CELF4: variants seen among roughly 807,000 people sequenced by gnomAD.
CELF4 encodes the protein CUGBP Elav-like family member 4.
In CELF4, 18 loss-of-function variants were observed where a neutral mutation model predicts 59.9. The observed-to-expected ratio is 0.30, with a 90% CI of 0.21 to 0.45. The LOEUF (loss-of-function observed/expected upper bound fraction) is 0.45, where lower values mean the gene tolerates loss of function less well. CELF4 is among the 20% of genes least tolerant of loss of function. The probability of loss-of-function intolerance (pLI) is 1.00; values close to 1 mark genes in which losing one functional copy is unlikely to be tolerated. For missense variants in CELF4, 456 were observed against 689.0 expected, an observed-to-expected ratio of 0.66 and a Z score of 3.79; for synonymous variants, 261 against 267.1, an observed-to-expected ratio of 0.98 and a Z score of 0.22.
rs1467702657 is a variant in CELF4 at position 37,245,864 on chromosome 18, T to G, written c.*45-667A>C. 1.3e-5 allele frequency among the ~76,000 whole-genome samples: 2 copies of G among 152,222 alleles called. No homozygotes were observed. Among genetic ancestry groups the G allele is most frequent in the African/African-American group, 4.8e-5 (2 of 41,456 alleles). ...ATACACACATACACACACATAATAC[T>G]TTTCTCATACATGCCAGGGAATTTA... is the stretch of plus-strand genomic sequence containing the variant. On this transcript the variant is annotated intron_variant, in intron 12 of 12. Transcript: ENST00000420428. This position sits in a 1 kb window ranked among gnomAD's most constrained non-coding sequence, Gnocchi z 4.1.
chr18:37,353,044 A>T (rs1031450703), intron 2 of CELF4, among the ~76,000 whole-genome samples: 1 of 151,832 alleles, frequency 6.6e-6, no homozygotes, highest in African/African-American at 2.4e-5. Context: ...ACACGGTGAA[A>T]CCCTGTCTCT....
At chr18:37,552,149 C>T (rs1426356927) in intron 1 of CELF4, among the ~76,000 whole-genome samples, 1 of 152,196 alleles carries the variant, frequency 6.6e-6, no homozygotes, top group African/African-American at 2.4e-5. Context: ...CCCTCAACAG[C>T]GTATTTACAC....
intron 2 of CELF4, among the ~76,000 whole-genome samples, chr18:37,336,393 A>G (rs1483103770): frequency 1.3e-5 from 2 of 152,182 alleles, no homozygotes; most frequent in African/African-American, 4.8e-5. Flanking sequence ...TCTGTTGCCC[A>G]GGCTGGTCTT....
chr18:37,369,596 C>T (rs1044824782), intron 2 of CELF4, among the ~76,000 whole-genome samples: 19 of 152,182 alleles, frequency 1.2e-4, no homozygotes, highest in African/African-American at 4.1e-4. Context: ...CTAGTTTCAC[C>T]ATCTCTGCCC....
chr18:37,501,593 G>C (rs1375000602), intron 1 of CELF4, among the ~76,000 whole-genome samples: 7 of 152,266 alleles, frequency 4.6e-5, no homozygotes, highest in Admixed American at 4.6e-4. Flanking sequence ...AGCCAGGTAA[G>C]CTGGTGTGTG....
At chr18:37,274,723 T>G in intron 5 of CELF4, 82 bp downstream of exon 5, 1 of 1,521,076 alleles carries the variant, frequency 6.6e-7, no homozygotes. Flanking sequence ...TTGGGGAGAC[T>G]GGACAGCCGG....
chr18:37,247,512 C>A (rs1464452231), intron 12 of CELF4: 1 of 151,932 alleles, frequency 6.6e-6, no homozygotes, highest in African/African-American at 2.4e-5. Context: ...CAGCACCAGA[C>A]CACAGCATCA....
At chr18:37,409,828 C>G (rs764652721) in intron 2 of CELF4, among the ~76,000 whole-genome samples, 1 of 152,198 alleles carries the variant, frequency 6.6e-6, no homozygotes, top group Non-Finnish European at 1.5e-5. Context: ...CATGCTTTAC[C>G]TGCCCAGGCC....
chr18:37,499,862 A>G (rs2099929507), intron 1 of CELF4, among the ~76,000 whole-genome samples: 1 of 152,226 alleles, frequency 6.6e-6, no homozygotes, highest in African/African-American at 2.4e-5. Context: ...GGTCCTTGGC[A>G]CAGACTCATC....
At chr18:37,453,782 A>G (rs2099770634) in intron 2 of CELF4, among the ~76,000 whole-genome samples, 1 of 152,186 alleles carries the variant, frequency 6.6e-6, no homozygotes, top group Non-Finnish European at 1.5e-5. Flanking sequence ...CAGCCTGGGA[A>G]CAGGGGTAGT....
At chr18:37,354,861 C>T (rs2098536866) in intron 2 of CELF4, among the ~76,000 whole-genome samples, 1 of 152,190 alleles carries the variant, frequency 6.6e-6, no homozygotes, top group Non-Finnish European at 1.5e-5. Context: ...TTTGGTAATT[C>T]TGGTTTGTGG....
chr18:37,564,328 C>A (rs2099987486), intron 1 of CELF4, among the ~76,000 whole-genome samples: 1 of 152,086 alleles, frequency 6.6e-6, no homozygotes, highest in South Asian at 2.1e-4. Flanking sequence ...CACCCACCAG[C>A]CACCCACACA....
intron 2 of CELF4, among the ~76,000 whole-genome samples, chr18:37,355,323 ATC>A (rs2098544751): frequency 6.6e-6 from 1 of 152,168 alleles, no homozygotes; most frequent in South Asian, 2.1e-4. Context: ...TTGAGTGTAT[ATC>A]TCTGTGTGTG....
chr18:37,516,585 C>T (rs2099950875), intron 1 of CELF4, among the ~76,000 whole-genome samples: 1 of 152,196 alleles, frequency 6.6e-6, no homozygotes, highest in African/African-American at 2.4e-5. Flanking sequence ...CTACTGTGGA[C>T]CAGGCACTGT....
chr18:37,274,745 G>A (rs972276457), intron 5 of CELF4, 60 bp downstream of exon 5: 1 of 1,509,576 alleles, frequency 6.6e-7, no homozygotes, highest in Non-Finnish European at 8.8e-7. Flanking sequence ...GGGGCGTGGC[G>A]GGTGCTGGGG....
chr18:37,391,357 C>G (rs1257218908), intron 2 of CELF4, among the ~76,000 whole-genome samples: 1 of 152,208 alleles, frequency 6.6e-6, no homozygotes, highest in Non-Finnish European at 1.5e-5. Flanking sequence ...AGGAATGGAC[C>G]CTGGCATCCC....
chr18:37,564,024 T>C (rs1568428238), intron 1 of CELF4, among the ~76,000 whole-genome samples: 1 of 152,162 alleles, frequency 6.6e-6, no homozygotes, highest in African/African-American at 2.4e-5. Context: ...CCATAGCCCA[T>C]TTGTGGCCAA....
At chr18:37,282,553 C>T (rs79066190) in intron 3 of CELF4, among the ~76,000 whole-genome samples, 6,006 of 152,286 alleles carry the variant, frequency 0.039, 195 homozygotes, top group Non-Finnish European at 0.054. Flanking sequence ...TTCCCCTTTG[C>T]CAGCCCTTGT....
chr18:37,275,042 C>A, intron 4 of CELF4, 73 bp downstream of exon 4: 1 of 1,566,474 alleles, frequency 6.4e-7, no homozygotes, highest in Non-Finnish European at 8.7e-7. Context: ...CCCGGAGACT[C>A]AGAGGAGCCC....
Sources: gnomAD v4.1 joint callset for allele counts (sites outside exome capture counted in the v4.1 genomes callset) on GRCh38, gnomAD v4.1.1 for gene constraint, Gnocchi (gnomAD v3.1) non-coding constraint, MANE v1.5 for transcripts, NCBI Gene and HGNC (gene_info 2026-07-23, HGNC 2026-07-21) for gene names.